Variants in PHACTR2 observed in about 807,000 individuals in gnomAD.
PHACTR2 encodes phosphatase and actin regulator 2, also known as chromosome 6 open reading frame 56.
Under a neutral mutation model 76.0 loss-of-function variants are expected in PHACTR2, and 30 were observed. The observed-to-expected ratio is 0.39, with a 90% CI of 0.30 to 0.54. The LOEUF (loss-of-function observed/expected upper bound fraction) is 0.54, where lower values mean the gene tolerates loss of function less well. Among genes scored for constraint, PHACTR2 ranks in the 20% least tolerant of loss-of-function variants. PHACTR2 has a pLI of 0.61. For synonymous variants in PHACTR2, 292 were observed against 292.5 expected (o/e 1.00, Z 0.02); for missense variants, 696 against 781.1 (o/e 0.89, Z 1.30).
Position 143,553,637 on chromosome 6 carries a change from A to G in PHACTR2, c.217+16430A>G, listed in dbSNP as rs1046647671. 1.3e-5 allele frequency among the ~76,000 whole-genome samples: 2 copies of G among 152,206 alleles called. No individual in the cohort carries two copies. Among genetic ancestry groups the G allele is most frequent in the Admixed American group, 1.3e-4 (2 of 15,278 alleles). On this transcript the variant is annotated intron_variant, in intron 1 of 11. Transcript: ENST00000367584. The surrounding 1 kb of genome is among the most constrained non-coding windows in gnomAD (Gnocchi z 4.2). ...CTAGAGATGCAGGCCTTGAGCTGTT[A>G]GAAACTGTATTCATGTTTTATTCGA...
chr6:143,740,413 G>A (rs958065571), intron 2 of PHACTR2, among the ~76,000 whole-genome samples: 1 of 148,604 alleles, frequency 6.7e-6, no homozygotes, highest in African/African-American at 2.5e-5. Context: ...TAGCCTCCTT[G>A]TACCCAGCCT....
chr6:143,595,983 A>G lies in PHACTR2; in HGVS notation c.217+58776A>G, dbSNP rs1298453603. Among the ~76,000 whole-genome samples, 1 of 152,218 alleles carries G rather than the reference A, an allele frequency of 6.6e-6. No homozygotes were observed. Among genetic ancestry groups the G allele is most frequent in the African/African-American group, 2.4e-5 (1 of 41,460 alleles). ...CTATGGTTCAAACTATTTCTCGTAT[A>G]AGCACTATCTACTGGAGACTCTTAA... is the stretch of plus-strand genomic sequence containing the variant. On this transcript the variant is annotated intron_variant, in intron 1 of 11. Coordinates refer to the PHACTR2 transcript ENST00000367584. This position sits in a 1 kb window ranked among gnomAD's most constrained non-coding sequence, Gnocchi z 4.2.
intron 1 of PHACTR2, among the ~76,000 whole-genome samples, chr6:143,704,081 GTGTGTGTGTGTGTC>G: frequency 7.1e-6 from 1 of 140,000 alleles, no homozygotes; most frequent in South Asian, 2.4e-4. Context: ...TCATGGGTGT[GTGTGTGTGTGTGTC>G]TGTGTGTGTG....
rs377452258 is a variant in PHACTR2 at position 143,616,510 on chromosome 6, C to T, written c.13+8188C>T. On this transcript the variant is annotated intron_variant, in intron 1 of 11. Transcript: ENST00000305766. This position sits in a 1 kb window ranked among gnomAD's most constrained non-coding sequence, Gnocchi z 4.9. ...TTCTTGCTGTTCTTCCCACCTAGAA[C>T]GCCTTCTCCTCCTTGCCATTCAGTC... Among the ~76,000 whole-genome samples the T allele has an allele frequency of 1.3e-5, 2 of 152,294 alleles. No homozygotes were observed. The highest frequency in any genetic ancestry group is 1.9e-4 in the East Asian group (1 of 5,174).
rs1271359898 is a variant in PHACTR2, at chr6:143,795,230, A to G, written c.1845+6320A>G. Among the ~76,000 whole-genome samples the G allele has an allele frequency of 1.3e-5, 2 of 152,168 alleles. No individual in the cohort carries two copies. Among genetic ancestry groups the G allele is most frequent in the Non-Finnish European group, 2.9e-5 (2 of 68,036 alleles). ...GGAGTTAAAGACCAGCCTGAGCAAC[A>G]TAGCAAGACCCTCTCTCTACAAAAA... is the stretch of plus-strand genomic sequence containing the variant. On this transcript the variant is annotated intron_variant, in intron 11 of 12. Transcript: ENST00000440869. The surrounding 1 kb of genome is among the most constrained non-coding windows in gnomAD (Gnocchi z 4.8).
intron 12 of PHACTR2, among the ~76,000 whole-genome samples, chr6:143,817,939 G>A (rs1175335789): frequency 1.3e-5 from 2 of 152,104 alleles, no homozygotes; most frequent in African/African-American, 2.4e-5. Flanking sequence ...CACTGTAGGG[G>A]GACTATAGTT....
rs1776095536 is a variant in PHACTR2 at position 143,618,473 on chromosome 6, T to C, written c.13+10151T>C. 6.6e-6 allele frequency among the ~76,000 whole-genome samples: 1 copy of C among 152,190 alleles called. No individual in the cohort carries two copies. Among genetic ancestry groups the C allele is most frequent in the African/African-American group, 2.4e-5 (1 of 41,442 alleles). On this transcript the variant is annotated intron_variant, in intron 1 of 11. Transcript: ENST00000305766. This position sits in a 1 kb window ranked among gnomAD's most constrained non-coding sequence, Gnocchi z 5.2. Reference sequence around the variant, plus strand: ...TAGTAAAACCATCTTTTACAATGTTTGACTTAACTACCTCACATGGTCATG... The same window carrying C: ...TAGTAAAACCATCTTTTACAATGTTCGACTTAACTACCTCACATGGTCATG...
At chr6:143,714,328 T>C (rs945090787) in intron 2 of PHACTR2, among the ~76,000 whole-genome samples, 1 of 152,256 alleles carries the variant, frequency 6.6e-6, no homozygotes, top group Non-Finnish European at 1.5e-5. Flanking sequence ...TGAACCTTAT[T>C]GTGTTCTGCC....
chr6:143,720,999 G>A (rs1485100763), intron 2 of PHACTR2, among the ~76,000 whole-genome samples: 1 of 152,168 alleles, frequency 6.6e-6, no homozygotes, highest in Non-Finnish European at 1.5e-5. Context: ...CAGAAGAGGA[G>A]CAGGGTTTAA....
At chr6:143,812,550 C>A (rs764451135) in intron 12 of PHACTR2, among the ~76,000 whole-genome samples, 3 of 152,178 alleles carry the variant, frequency 2.0e-5, no homozygotes, top group Non-Finnish European at 2.9e-5. Context: ...TCTACTCTTT[C>A]ATCTAATTCT....
At position 143,539,694 on chromosome 6, in the gene PHACTR2, A is replaced by G. The variant is rs918234377; in HGVS notation, c.217+2487A>G. Among the ~76,000 whole-genome samples, 1 of 152,186 alleles carries G rather than the reference A, an allele frequency of 6.6e-6. No individual in the cohort carries two copies. Among genetic ancestry groups the G allele is most frequent in the Non-Finnish European group, 1.5e-5 (1 of 68,024 alleles). ...GAGCAAGGTCATGTGTGGCTTGCCAAAACAGCCCCGGACCAGCATCTGTGG... is the reference window on the plus strand; with the variant it reads ...GAGCAAGGTCATGTGTGGCTTGCCAGAACAGCCCCGGACCAGCATCTGTGG... On this transcript the variant is annotated intron_variant, in intron 1 of 11. Transcript: ENST00000367584. This position sits in a 1 kb window ranked among gnomAD's most constrained non-coding sequence, Gnocchi z 4.3.
chr6:143,632,118 A>C (rs921647355), intron 1 of PHACTR2, among the ~76,000 whole-genome samples: 4 of 152,136 alleles, frequency 2.6e-5, no homozygotes, highest in Non-Finnish European at 4.4e-5. Context: ...GTCAATTTGC[A>C]TTGTTCCAGA....
chr6:143,574,474 A>G (rs578242148), intron 1 of PHACTR2, among the ~76,000 whole-genome samples: 1 of 152,278 alleles, frequency 6.6e-6, no homozygotes, highest in South Asian at 2.1e-4. Context: ...AGTGGGTTCA[A>G]TGTCTCTCAA....
rs1775126342 is a variant in PHACTR2 at position 143,553,760 on chromosome 6, A to G, written c.217+16553A>G. Among the ~76,000 whole-genome samples, 1 of 152,220 alleles carries G rather than the reference A, an allele frequency of 6.6e-6. No individual in the cohort carries two copies. Among genetic ancestry groups the G allele is most frequent in the African/African-American group, 2.4e-5 (1 of 41,456 alleles). ...AAGAGTCTTGCTGGGAGACAGAGACAATACACAAACTAAATAAACAATATT... is the reference window on the plus strand; with the variant it reads ...AAGAGTCTTGCTGGGAGACAGAGACGATACACAAACTAAATAAACAATATT... On this transcript the variant is annotated intron_variant, in intron 1 of 11. Transcript: ENST00000367584. This position sits in a 1 kb window ranked among gnomAD's most constrained non-coding sequence, Gnocchi z 4.2.
chr6:143,763,462 C>T (rs1318280953), intron 5 of PHACTR2, among the ~76,000 whole-genome samples: 2 of 152,178 alleles, frequency 1.3e-5, no homozygotes, highest in Non-Finnish European at 2.9e-5. Flanking sequence ...CATGGTTAGG[C>T]ACCGAATCCT....
At position 143,710,130 on chromosome 6, in the gene PHACTR2, G is replaced by A. The variant is rs1191976662; in HGVS notation, c.47-1886G>A. Among the ~76,000 whole-genome samples the A allele has an allele frequency of 6.6e-6, 1 of 152,162 alleles. No homozygotes were observed. The highest frequency in any genetic ancestry group is 1.5e-5 in the Non-Finnish European group (1 of 68,030). ...CCTTTCCTGGTTATGTGGCTAGAGA[G>A]TGCAGACGTTTGTGGTCTGTGCCCA... On this transcript the variant is annotated intron_variant, in intron 1 of 12. Coordinates refer to ENST00000440869, the MANE Select transcript of PHACTR2 (RefSeq NM_001100164.2). The surrounding 1 kb of genome is among the most constrained non-coding windows in gnomAD (Gnocchi z 4.9).
Position 143,787,047 on chromosome 6 carries a change from A to G in PHACTR2, c.1708-1726A>G, listed in dbSNP as rs1312835970. 1.3e-5 allele frequency among the ~76,000 whole-genome samples: 2 copies of G among 148,300 alleles called. No homozygotes were observed. ...GTAGACAATCAATCACCCCCTCCTT[A>G]TTGCCCTGGGCACAGTCTTGTGATA... On this transcript the variant is annotated intron_variant, in intron 10 of 12. Coordinates refer to ENST00000440869, the MANE Select transcript of PHACTR2 (RefSeq NM_001100164.2). This position sits in a 1 kb window ranked among gnomAD's most constrained non-coding sequence, Gnocchi z 4.6.
upstream of PHACTR2, among the ~76,000 whole-genome samples, chr6:143,675,533 C>T (rs181959983): frequency 3.9e-5 from 6 of 152,130 alleles, no homozygotes; most frequent in East Asian, 5.8e-4. This position sits in a 1 kb window ranked among gnomAD's most constrained non-coding sequence, Gnocchi z 4.9. Context: ...GTCTGAGGCC[C>T]CCTCCTGCCT....
Position 143,823,705 on chromosome 6 carries a change from T to C in PHACTR2, c.*16T>C. 5 of 1,605,058 alleles carry C rather than the reference T, an allele frequency of 3.1e-6. No homozygotes were observed. The highest frequency in any genetic ancestry group is 1.1e-5 in the South Asian group (1 of 90,874). ...TCGTCCATAACGAAGAGTGAGACTATTTGGAAACAGAGACTGATCATCTTT... is the reference window on the plus strand; with the variant it reads ...TCGTCCATAACGAAGAGTGAGACTACTTGGAAACAGAGACTGATCATCTTT... On this transcript the variant is annotated 3_prime_UTR_variant, in exon 13 of 13. Transcript: ENST00000440869. The surrounding 1 kb of genome is among the most constrained non-coding windows in gnomAD (Gnocchi z 5.7).
Sources: allele counts gnomAD v4.1 joint callset (sites outside exome capture counted in the v4.1 genomes callset), GRCh38; gene constraint gnomAD v4.1.1; non-coding constraint Gnocchi (gnomAD v3.1); transcripts MANE v1.5; gene names NCBI Gene and HGNC (gene_info 2026-07-23, HGNC 2026-07-21).